Variants in PIEZO2 observed in about 807,000 individuals in gnomAD.
PIEZO2 encodes the protein piezo-type mechanosensitive ion channel component 2.
In PIEZO2, 172 loss-of-function variants were observed where a neutral mutation model predicts 337.3. The observed-to-expected ratio is 0.51, with a 90% CI of 0.45 to 0.58. The LOEUF is 0.58. PIEZO2 is among the 20% of genes least tolerant of loss of function. The probability of loss-of-function intolerance (pLI) is 0.00; values close to 1 mark genes in which losing one functional copy is unlikely to be tolerated. For missense variants in PIEZO2, 3,028 were observed against 3,391.3 expected (o/e 0.89, Z 2.66); for synonymous variants, 1,251 against 1,228.5 (o/e 1.02, Z -0.38).
intron 36 of PIEZO2, among the ~76,000 whole-genome samples, chr18:10,725,787 C>T (rs2036511526): frequency 6.6e-6 from 1 of 152,224 alleles, no homozygotes; most frequent in African/African-American, 2.4e-5. Flanking sequence ...CTCAGGGTCC[C>T]ACCAGGCCAA....
rs966888724 is a variant in PIEZO2, at chr18:10,781,412, G to A, written c.2493-1046C>T. Among the ~76,000 whole-genome samples the A allele has an allele frequency of 4.6e-5, 7 of 151,964 alleles. No individual in the cohort carries two copies. The highest frequency in any genetic ancestry group is 1.5e-5 in the Non-Finnish European group (1 of 68,000). ...TTGAACCCAGGAGGTGGAGGTTGCA[G>A]TGAGCCGAGATGGCACCACTGCACT... On this transcript the variant is annotated intron_variant, in intron 17 of 55. Coordinates refer to ENST00000674853, the MANE Select transcript of PIEZO2 (RefSeq NM_001378183.1). This position sits in a 1 kb window ranked among gnomAD's most constrained non-coding sequence, Gnocchi z 4.1.
At chr18:10,971,687 G>A (rs1297554217) in intron 3 of PIEZO2, among the ~76,000 whole-genome samples, 2 of 152,156 alleles carry the variant, frequency 1.3e-5, no homozygotes, top group Admixed American at 1.3e-4. Context: ...ACCAGAGTTA[G>A]TATATTAGAT....
At chr18:11,034,660 AAAAC>A (rs1354647366) in intron 2 of PIEZO2, among the ~76,000 whole-genome samples, 2 of 152,170 alleles carry the variant, frequency 1.3e-5, no homozygotes, top group African/African-American at 2.4e-5. Context: ...TAGTGGAACT[AAAAC>A]AAACACGTAG....
chr18:10,817,228 T>C (rs1212916708), intron 7 of PIEZO2, among the ~76,000 whole-genome samples: 1 of 152,066 alleles, frequency 6.6e-6, no homozygotes, highest in East Asian at 1.9e-4. Flanking sequence ...TTAATGAGAG[T>C]TCCCTTATAA....
At chr18:10,944,306 C>T (rs906070743) in intron 3 of PIEZO2, among the ~76,000 whole-genome samples, 1 of 151,142 alleles carries the variant, frequency 6.6e-6, no homozygotes, top group Non-Finnish European at 1.5e-5. Flanking sequence ...GTTTTAAAAA[C>T]TAAAAAATAA....
intron 1 of PIEZO2, among the ~76,000 whole-genome samples, chr18:11,107,743 A>G (rs913726540): frequency 2.0e-5 from 3 of 152,206 alleles, no homozygotes; most frequent in Non-Finnish European, 4.4e-5. Flanking sequence ...ATAAATCATA[A>G]GGTAATTTTA....
At chr18:10,805,352 A>G (rs1380878553) in intron 8 of PIEZO2, among the ~76,000 whole-genome samples, 1 of 152,152 alleles carries the variant, frequency 6.6e-6, no homozygotes, top group Non-Finnish European at 1.5e-5. Context: ...CGTCTCTACT[A>G]AAAATACAAA....
chr18:10,978,956 C>T (rs974132155), intron 3 of PIEZO2, among the ~76,000 whole-genome samples: 1 of 152,054 alleles, frequency 6.6e-6, no homozygotes, highest in Admixed American at 6.5e-5. Context: ...AACATGTATA[C>T]TGACTCTTTC....
intron 7 of PIEZO2, among the ~76,000 whole-genome samples, chr18:10,820,707 T>G (rs2040496449): frequency 6.6e-6 from 1 of 152,246 alleles, no homozygotes; most frequent in South Asian, 2.1e-4. Flanking sequence ...CATTGTTATT[T>G]CTACATTATC....
chr18:10,675,201 A>G lies in PIEZO2; in HGVS notation c.8161+8T>C, dbSNP rs757908757. The G allele has an allele frequency of 6.6e-7, 1 of 1,521,160 alleles. No homozygotes were observed. Among genetic ancestry groups the G allele is most frequent in the South Asian group, 1.2e-5 (1 of 82,424 alleles). 94.2% of individuals were successfully genotyped at this position (1,521,160 alleles called of 1,614,324 possible). A position where few individuals can be genotyped will look rare whatever the true frequency, so the allele number is the denominator to read the frequency against. Reference sequence around the variant, plus strand: ...AACAATTCTGAAACAAATTTTTCTCATTCTTACCAGATAAAAGTTGCTTTA... The same window carrying G: ...AACAATTCTGAAACAAATTTTTCTCGTTCTTACCAGATAAAAGTTGCTTTA... On this transcript the variant is annotated splice_region_variant and intron_variant, in intron 54 of 55. Transcript: ENST00000674853.
intron 22 of PIEZO2, 62 bp downstream of exon 22, chr18:10,762,860 C>A: frequency 6.7e-7 from 1 of 1,492,100 alleles, no homozygotes; most frequent in South Asian, 1.3e-5. Flanking sequence ...GGGGGTTCCC[C>A]AAGTATCTGC....
At chr18:11,010,281 T>G (rs760405541) in intron 2 of PIEZO2, among the ~76,000 whole-genome samples, 1 of 152,216 alleles carries the variant, frequency 6.6e-6, no homozygotes, top group Non-Finnish European at 1.5e-5. Context: ...AATCACTCCA[T>G]GCTTTGGGTT....
intron 3 of PIEZO2, among the ~76,000 whole-genome samples, chr18:10,934,619 T>G (rs970362332): frequency 4.4e-5 from 6 of 137,744 alleles, no homozygotes; most frequent in Non-Finnish European, 7.9e-5. Context: ...GGTTAGGAAT[T>G]GTCAGTATTG....
intron 4 of PIEZO2, among the ~76,000 whole-genome samples, chr18:10,883,758 C>A (rs2042491096): frequency 6.6e-6 from 1 of 151,758 alleles, no homozygotes; most frequent in African/African-American, 2.4e-5. Flanking sequence ...TCTCTCCAAT[C>A]CTCCCCACCT....
intron 3 of PIEZO2, among the ~76,000 whole-genome samples, chr18:10,917,099 G>A (rs1288554522): frequency 7.3e-6 from 1 of 137,328 alleles, no homozygotes; most frequent in Admixed American, 7.6e-5. Flanking sequence ...AGTACAGGGG[G>A]AGTTCGTTCT....
chr18:10,682,257 TTTC>T lies in PIEZO2; in HGVS notation c.7530_7532del (p.Lys2511del), dbSNP rs1248038507. On this transcript the variant is annotated inframe_deletion, in exon 50 of 56. Transcript: ENST00000674853. The surrounding 1 kb of genome is among the most constrained non-coding windows in gnomAD (Gnocchi z 5.6). ...TTCCTCCCATGCCATACTTCACCAC[TTTC>T]TTCTTCTTCTGGCCCCGTGGCTGAG... 1 of 1,536,964 alleles carries T rather than the reference TTTC, an allele frequency of 6.5e-7. No homozygotes were observed. Among genetic ancestry groups the T allele is most frequent in the Middle Eastern group, 1.7e-4 (1 of 5,990 alleles).
intron 1 of PIEZO2, among the ~76,000 whole-genome samples, chr18:11,137,616 C>T (rs1209275967): frequency 1.3e-5 from 2 of 152,120 alleles, no homozygotes; most frequent in African/African-American, 4.8e-5. Flanking sequence ...AGCAGGGGTC[C>T]GTGTACCTGC....
intron 2 of PIEZO2, among the ~76,000 whole-genome samples, chr18:10,989,171 C>T (rs570586626): frequency 4.1e-4 from 62 of 151,904 alleles, no homozygotes; most frequent in African/African-American, 1.3e-3. Context: ...GCTTTGATGG[C>T]GGCAATGATT....
chr18:10,940,433 T>A lies in PIEZO2; in HGVS notation c.287-29205A>T, dbSNP rs889107841. Among the ~76,000 whole-genome samples, 2 of 152,214 alleles carry A rather than the reference T, an allele frequency of 1.3e-5. No homozygotes were observed. Among genetic ancestry groups the A allele is most frequent in the African/African-American group, 4.8e-5 (2 of 41,452 alleles). On this transcript the variant is annotated intron_variant, in intron 3 of 55. Transcript: ENST00000674853. The surrounding 1 kb of genome is among the most constrained non-coding windows in gnomAD (Gnocchi z 5.3). ...ATAAGCGAATCTTACCTGCAGAATA[T>A]CCTAGTGTTTTCCTCCAGTGAACAT...
Sources: allele counts gnomAD v4.1 joint callset (sites outside exome capture counted in the v4.1 genomes callset), GRCh38; gene constraint gnomAD v4.1.1; non-coding constraint Gnocchi (gnomAD v3.1); transcripts MANE v1.5; gene names NCBI Gene and HGNC (gene_info 2026-07-23, HGNC 2026-07-21).